Variants in SUCLG2 observed in about 807,000 individuals in gnomAD.
SUCLG2 encodes succinate-CoA ligase GDP-forming subunit beta, also known as succinate--CoA ligase [GDP-forming] subunit beta, mitochondrial.
In SUCLG2, 42 loss-of-function variants were observed where a neutral mutation model predicts 47.9. The observed-to-expected ratio is 0.88, with a 90% confidence interval of 0.69 to 1.14. The LOEUF (loss-of-function observed/expected upper bound fraction) is 1.14, where lower values mean the gene tolerates loss of function less well. SUCLG2 is among the 50% of genes most tolerant of loss of function. The probability of loss-of-function intolerance (pLI) is 0.00; values close to 1 mark genes in which losing one functional copy is unlikely to be tolerated. For synonymous variants in SUCLG2, 195 were observed against 197.3 expected (o/e 0.99, Z 0.10); for missense variants, 571 against 525.9 (o/e 1.09, Z -0.84).
chr3:67,595,267 T>C (rs1708268180), intron 2 of SUCLG2, among the ~76,000 whole-genome samples: 1 of 152,190 alleles, frequency 6.6e-6, no homozygotes. Flanking sequence ...GGTGTGTTTC[T>C]ATATTGAGAA....
rs369336609 is a variant in SUCLG2 at position 67,525,036 on chromosome 3, T to G, written c.417+3096A>C. Among the ~76,000 whole-genome samples, 10 of 152,356 alleles carry G rather than the reference T, an allele frequency of 6.6e-5. No homozygotes were observed. In the East Asian group the frequency reaches 1.5e-3, roughly 23 times the overall value. ...TTAAGAATCCAATGCCACTTGTAAT[T>G]GCTTTAAAAGAGAACAATGTATGTG... On this transcript the variant is annotated intron_variant, in intron 4 of 10. Transcript: ENST00000307227.
chr3:67,453,399 A>AGGT (rs1327867704), intron 9 of SUCLG2, among the ~76,000 whole-genome samples: 1 of 152,204 alleles, frequency 6.6e-6, no homozygotes, highest in Non-Finnish European at 1.5e-5. Context: ...CCTGGATTAC[A>AGGT]GGTGGTGCCA....
chr3:67,575,028 T>G (rs1707709230), intron 2 of SUCLG2, among the ~76,000 whole-genome samples: 1 of 152,104 alleles, frequency 6.6e-6, no homozygotes, highest in Non-Finnish European at 1.5e-5. Flanking sequence ...ACTACAGTAG[T>G]TAAAATTAAA....
downstream of SUCLG2, among the ~76,000 whole-genome samples, chr3:67,372,960 G>T (rs1362211211): frequency 6.6e-6 from 1 of 152,124 alleles, no homozygotes; most frequent in Non-Finnish European, 1.5e-5. Flanking sequence ...CAGACAACAT[G>T]CACACAAATG....
chr3:67,448,376 A>G (rs1289333206), intron 9 of SUCLG2, among the ~76,000 whole-genome samples: 1 of 152,222 alleles, frequency 6.6e-6, no homozygotes, highest in Non-Finnish European at 1.5e-5. Context: ...ACATGTAAAC[A>G]TATCAGAAGG....
At chr3:67,402,997 G>C (rs182683413) in intron 9 of SUCLG2, among the ~76,000 whole-genome samples, 123 of 152,324 alleles carry the variant, frequency 8.1e-4, no homozygotes, top group African/African-American at 2.6e-3. Flanking sequence ...TAGTGGGTGA[G>C]TGCCTGGAGT....
At chr3:67,602,688 T>C (rs1024494463) in intron 2 of SUCLG2, among the ~76,000 whole-genome samples, 2 of 152,146 alleles carry the variant, frequency 1.3e-5, no homozygotes, top group African/African-American at 4.8e-5. Context: ...GGAAAACCAT[T>C]AATTTAAATT....
chr3:67,603,316 T>C (rs1195595965), intron 2 of SUCLG2, among the ~76,000 whole-genome samples: 1 of 152,236 alleles, frequency 6.6e-6, no homozygotes, highest in African/African-American at 2.4e-5. Flanking sequence ...GCAATGTATT[T>C]AATTGACTAT....
intron 2 of SUCLG2, among the ~76,000 whole-genome samples, chr3:67,576,823 C>G (rs1707754308): frequency 1.3e-5 from 2 of 152,214 alleles, no homozygotes; most frequent in Non-Finnish European, 2.9e-5. Context: ...ACAGGTTCAC[C>G]TGATTCAGAG....
At chr3:67,592,718 C>CAAAAAAAAAAAAAAAAA (rs754866312) in intron 2 of SUCLG2, among the ~76,000 whole-genome samples, 17 of 80,252 alleles carry the variant, frequency 2.1e-4, no homozygotes, top group African/African-American at 8.4e-4. Context: ...TCACATCCTC[C>CAAAAAAAAAAAAAAAAA]AAAAAAAAAA....
intron 9 of SUCLG2, among the ~76,000 whole-genome samples, chr3:67,429,473 C>T (rs574981822): frequency 7.8e-4 from 119 of 152,270 alleles, no homozygotes; most frequent in African/African-American, 2.8e-3. Flanking sequence ...AAGGAATAAC[C>T]GGTACCAGCC....
intron 2 of SUCLG2, among the ~76,000 whole-genome samples, chr3:67,581,509 G>GC (rs1707877171): frequency 6.6e-6 from 1 of 152,178 alleles, no homozygotes; most frequent in African/African-American, 2.4e-5. Context: ...AGTGATGGCT[G>GC]CAATTCTTTG....
chr3:67,536,482 A>T (rs927360088), intron 2 of SUCLG2, among the ~76,000 whole-genome samples: 5 of 152,198 alleles, frequency 3.3e-5, no homozygotes, highest in Non-Finnish European at 7.3e-5. Flanking sequence ...GTTCACTGCC[A>T]TCATTCACTG....
intron 4 of SUCLG2, among the ~76,000 whole-genome samples, chr3:67,521,279 C>T (rs891974820): frequency 2.6e-5 from 4 of 152,144 alleles, no homozygotes; most frequent in Non-Finnish European, 5.9e-5. Flanking sequence ...AGGGCAGATA[C>T]GAGCCTACCA....
In SUCLG2 at chr3:67,541,856, A is replaced by G. The variant is rs560381125; in HGVS notation, c.227-12670T>C. Among the ~76,000 whole-genome samples the G allele has an allele frequency of 2.8e-3, 420 of 152,150 alleles. 3 individuals carry two copies. The highest frequency in any genetic ancestry group is 3.7e-3 in the Non-Finnish European group (254 of 68,004). ...TGTAAGCTAGAACAGAGAGGCCAAT[A>G]TTCAACATTCTTTTTCTTTTTTTTT... On this transcript the variant is annotated intron_variant, in intron 2 of 10. Coordinates refer to ENST00000307227, the MANE Select transcript of SUCLG2 (RefSeq NM_003848.4).
intron 10 of SUCLG2, 96 bp downstream of exon 10, chr3:67,400,635 G>T: frequency 1.3e-6 from 2 of 1,525,422 alleles, no homozygotes; most frequent in South Asian, 1.2e-5. Context: ...CTAGTGTTTC[G>T]TTCTGTTATC....
chr3:67,507,679 C>A (rs1355005562), intron 7 of SUCLG2, among the ~76,000 whole-genome samples: 2 of 152,198 alleles, frequency 1.3e-5, no homozygotes, highest in Non-Finnish European at 2.9e-5. Context: ...GCTACAGAAT[C>A]TCTGAAATGT....
At chr3:67,456,635 A>G (rs916076256) in intron 9 of SUCLG2, among the ~76,000 whole-genome samples, 4 of 152,360 alleles carry the variant, frequency 2.6e-5, no homozygotes, top group Admixed American at 1.3e-4. Context: ...TGTAAGCCAG[A>G]CAGGAAAGAA....
chr3:67,492,123 G>A (rs1705222578), intron 9 of SUCLG2, among the ~76,000 whole-genome samples: 1 of 152,196 alleles, frequency 6.6e-6, no homozygotes, highest in East Asian at 1.9e-4. Flanking sequence ...ATCTAAACCA[G>A]GAAGTACAAT....
Sources: allele counts gnomAD v4.1 joint callset (sites outside exome capture counted in the v4.1 genomes callset), GRCh38; gene constraint gnomAD v4.1.1; transcripts MANE v1.5; gene names NCBI Gene and HGNC (gene_info 2026-07-23, HGNC 2026-07-21).